TOX2: variants seen among roughly 807,000 people sequenced by gnomAD.
TOX2 encodes the protein granulosa cell HMG box 1.
A neutral mutation model predicts 47.4 loss-of-function variants in TOX2; 15 were observed. The observed-to-expected ratio is 0.32, with a 90% confidence interval of 0.21 to 0.49. The LOEUF is 0.49. TOX2 is among the 20% of genes least tolerant of loss of function. The pLI, the probability that TOX2 is intolerant of heterozygous loss-of-function variation, is 0.99. For synonymous variants in TOX2, 290 were observed against 296.6 expected, an observed-to-expected ratio of 0.98 and a Z score of 0.23; for missense variants, 622 against 673.1, an observed-to-expected ratio of 0.92 and a Z score of 0.84.
At chr20:44,056,487 C>A (rs2071619478) in intron 5 of TOX2, among the ~76,000 whole-genome samples, 2 of 152,226 alleles carry the variant, frequency 1.3e-5, no homozygotes, top group South Asian at 4.1e-4. Context: ...AGTCCTATGT[C>A]CCCGGGCACT....
intron 3 of TOX2, among the ~76,000 whole-genome samples, chr20:44,041,430 T>C (rs1036387865): frequency 2.0e-5 from 3 of 152,138 alleles, no homozygotes; most frequent in Non-Finnish European, 2.9e-5. Context: ...TCTTTCACCG[T>C]GGGGAAGTTA....
rs2071881155 is a variant in TOX2, at chr20:44,068,723, G to A, written c.*37G>A. The A allele has an allele frequency of 6.2e-7, 1 of 1,613,748 alleles. No individual in the cohort carries two copies. Among genetic ancestry groups the A allele is most frequent in the Non-Finnish European group, 8.5e-7 (1 of 1,179,836 alleles). On this transcript the variant is annotated 3_prime_UTR_variant, in exon 9 of 9. Transcript: ENST00000341197. ...TACCATCCCTGAGGCTCGCTGGAAG[G>A]CACTGCTCAGAGCCTGAAGGGCTGA...
chr20:43,945,839 A>G, intron 1 of TOX2: 3 of 1,588,136 alleles, frequency 1.9e-6, no homozygotes, highest in Non-Finnish European at 2.6e-6. Flanking sequence ...TCCAGCCAAT[A>G]GAGGACCAAG....
chr20:43,974,656 C>CA (rs1323314445), intron 2 of TOX2, among the ~76,000 whole-genome samples: 2 of 152,212 alleles, frequency 1.3e-5, no homozygotes, highest in African/African-American at 4.8e-5. Flanking sequence ...CCAGATGGGG[C>CA]AATAGAAGCC....
intron 1 of TOX2, among the ~76,000 whole-genome samples, chr20:43,951,337 G>A (rs1370150366): frequency 6.6e-6 from 1 of 152,186 alleles, no homozygotes. Flanking sequence ...CACTTTGGGA[G>A]GCTGAGGCGG....
intron 1 of TOX2, among the ~76,000 whole-genome samples, chr20:43,951,705 A>ATTTT (rs1212223106): frequency 9.9e-5 from 3 of 30,390 alleles, no homozygotes; most frequent in East Asian, 1.2e-3. Flanking sequence ...TAAACTTATT[A>ATTTT]TGTTTTTTTT....
chr20:43,931,515 G>A (rs1277672874), intron 1 of TOX2, among the ~76,000 whole-genome samples: 1 of 152,166 alleles, frequency 6.6e-6, no homozygotes, highest in Non-Finnish European at 1.5e-5. Flanking sequence ...CTGTGCTCCT[G>A]CCCTTCCCAT....
At chr20:43,974,746 G>T (rs985002017) in intron 2 of TOX2, among the ~76,000 whole-genome samples, 1 of 152,248 alleles carries the variant, frequency 6.6e-6, no homozygotes, top group African/African-American at 2.4e-5. Context: ...TGGGCCTGTG[G>T]CCCTAGGGGG....
chr20:43,947,792 A>G (rs1308164093), intron 1 of TOX2, among the ~76,000 whole-genome samples: 3 of 152,178 alleles, frequency 2.0e-5, no homozygotes, highest in Non-Finnish European at 4.4e-5. Context: ...CCCTGGGAAA[A>G]CAGCCAGCCA....
At chr20:43,946,032 G>T in intron 1 of TOX2, 1 of 1,613,810 alleles carries the variant, frequency 6.2e-7, no homozygotes, top group African/African-American at 1.3e-5. Flanking sequence ...GTGTGTTTCC[G>T]CAGAAGGTAA....
intron 1 of TOX2, among the ~76,000 whole-genome samples, chr20:43,945,163 C>A (rs2069448436): frequency 6.6e-6 from 1 of 151,758 alleles, no homozygotes. Flanking sequence ...AAAAATGAAA[C>A]AAGAAAGAAA....
intron 5 of TOX2, among the ~76,000 whole-genome samples, chr20:44,057,553 T>A (rs2071642877): frequency 6.6e-6 from 1 of 151,448 alleles, no homozygotes; most frequent in South Asian, 2.1e-4. Flanking sequence ...ATAGGAAAGT[T>A]CTTTCAAATC....
intron 3 of TOX2, among the ~76,000 whole-genome samples, chr20:44,020,924 G>T (rs113627270): frequency 6.6e-6 from 1 of 152,182 alleles, no homozygotes; most frequent in East Asian, 1.9e-4. Context: ...ACCTCTGCCT[G>T]TGGTTCCTGG....
At chr20:44,042,107 G>A (rs991444174) in intron 3 of TOX2, among the ~76,000 whole-genome samples, 1 of 152,208 alleles carries the variant, frequency 6.6e-6, no homozygotes, top group African/African-American at 2.4e-5. Flanking sequence ...CACAGGGCTG[G>A]GGAGGCCTCA....
intron 1 of TOX2, among the ~76,000 whole-genome samples, chr20:43,943,389 T>C (rs916265783): frequency 5.3e-5 from 8 of 152,212 alleles, no homozygotes; most frequent in African/African-American, 1.9e-4. Context: ...AGCTTCTGCC[T>C]TTTAAAATGC....
chr20:44,056,447 T>C (rs1298016989), intron 5 of TOX2, among the ~76,000 whole-genome samples: 1 of 152,150 alleles, frequency 6.6e-6, no homozygotes. Flanking sequence ...TCCTTGCCGT[T>C]TTATACAGTC....
intron 3 of TOX2, among the ~76,000 whole-genome samples, chr20:44,016,104 T>TCAAAC (rs1162284104): frequency 6.6e-6 from 1 of 152,024 alleles, no homozygotes; most frequent in Non-Finnish European, 1.5e-5. Flanking sequence ...CCGTTTGCTC[T>TCAAAC]GCAGTTTGGG....
At chr20:44,040,688 CCTCTTCCTCTTT>C (rs1447128334) in intron 3 of TOX2, among the ~76,000 whole-genome samples, 3 of 152,174 alleles carry the variant, frequency 2.0e-5, no homozygotes, top group Non-Finnish European at 4.4e-5. Context: ...AATCTGTCCT[CCTCTTCCTCTTT>C]CTCTTCCTCC....
intron 1 of TOX2, among the ~76,000 whole-genome samples, chr20:43,924,129 G>A (rs1027417792): frequency 6.6e-6 from 1 of 152,170 alleles, no homozygotes; most frequent in African/African-American, 2.4e-5. Flanking sequence ...CCTGAGGTTG[G>A]GGGATGAGCA....
Sources: allele counts gnomAD v4.1 joint callset (sites outside exome capture counted in the v4.1 genomes callset), GRCh38; gene constraint gnomAD v4.1.1; transcripts MANE v1.5; gene names NCBI Gene and HGNC (gene_info 2026-07-23, HGNC 2026-07-21).